Variants in CHD1L observed in about 807,000 individuals in gnomAD.
CHD1L encodes the protein ATP-dependent chromatin remodeler CHD1L.
CHD1L carries 118 observed loss-of-function variants against 115.9 expected under a neutral mutation model. The ratio of observed to expected loss-of-function variants is 1.02; its 90% CI spans 0.88 to 1.19. The LOEUF (loss-of-function observed/expected upper bound fraction) is 1.19. Ranked by LOEUF, CHD1L falls within the 50% of genes most tolerant of loss-of-function variation. The probability of loss-of-function intolerance (pLI) is 0.00; values close to 1 mark genes in which losing one functional copy is unlikely to be tolerated. For synonymous variants in CHD1L, 411 were observed against 387.1 expected (o/e 1.06, Z -0.72); for missense variants, 1,179 against 1,065.3 (o/e 1.11, Z -1.49).
intron 12 of CHD1L, among the ~76,000 whole-genome samples, chr1:147,272,901 T>TG (rs1255451191): frequency 2.0e-4 from 3 of 14,728 alleles, no homozygotes; most frequent in Non-Finnish European, 3.7e-4. Flanking sequence ...TTGTGGTGTC[T>TG]GGAAAAAAAA....
intron 22 of CHD1L, among the ~76,000 whole-genome samples, chr1:147,294,809 T>G (rs1686947638): frequency 6.6e-6 from 1 of 152,226 alleles, no homozygotes; most frequent in African/African-American, 2.4e-5. Context: ...ATTGAGTCTG[T>G]CACATCACTT....
chr1:147,279,640 G>T (rs781922410), intron 14 of CHD1L, among the ~76,000 whole-genome samples: 1 of 152,192 alleles, frequency 6.6e-6, no homozygotes, highest in African/African-American at 2.4e-5. Context: ...CAGTGGAGAG[G>T]TTGGAAAGTA....
At chr1:147,187,106 C>T in the CHD1L span, 3 of 1,614,032 alleles carry the variant, frequency 1.9e-6, no homozygotes, top group South Asian at 3.3e-5. Flanking sequence ...GTGCAGGGTC[C>T]CAGTAATAAG....
At chr1:147,179,951 T>TAA in the CHD1L span, among the ~76,000 whole-genome samples, 5 of 143,618 alleles carry the variant, frequency 3.5e-5, no homozygotes, top group South Asian at 4.5e-4. Context: ...CTTTAAACTG[T>TAA]AAAAAAAAAA....
chr1:147,195,648 C>T, the CHD1L span, among the ~76,000 whole-genome samples: 5,622 of 152,154 alleles, frequency 0.037, 159 homozygotes, highest in South Asian at 0.095. Flanking sequence ...AGTATTTAAG[C>T]CAGTATGAAC....
chr1:147,193,609 T>C, the CHD1L span, among the ~76,000 whole-genome samples: 1 of 152,168 alleles, frequency 6.6e-6, no homozygotes, highest in Non-Finnish European at 1.5e-5. Context: ...AGGGTGTCAA[T>C]TTTGGATCTT....
chr1:147,272,919 G>T (rs1392615666), intron 12 of CHD1L, among the ~76,000 whole-genome samples: 1 of 91,952 alleles, frequency 1.1e-5, no homozygotes. Flanking sequence ...AAAAAAAAAA[G>T]GCCGGCACGG....
rs1466329523 is a variant in CHD1L, at chr1:147,254,795, A to G, written c.241-75A>G. The G allele has an allele frequency of 6.2e-6, 6 of 970,122 alleles. No homozygotes were observed. The African/African-American group carries it at 8.2e-5, about 13-fold the overall frequency. 60.1% of individuals were successfully genotyped at this position (970,122 alleles called of 1,614,324 possible). On this transcript the variant is annotated intron_variant, in intron 2 of 22. Coordinates refer to ENST00000369258, the MANE Select transcript of CHD1L (RefSeq NM_004284.6). Reference sequence around the variant, plus strand: ...TTAAACAAGAGTGTGTGTTCCCTACAGGGTTGTGGGAACTTCATGGTTGTT... The same window carrying G: ...TTAAACAAGAGTGTGTGTTCCCTACGGGGTTGTGGGAACTTCATGGTTGTT...
the CHD1L span, among the ~76,000 whole-genome samples, chr1:147,199,510 T>A: frequency 6.6e-6 from 1 of 152,186 alleles, no homozygotes; most frequent in Non-Finnish European, 1.5e-5. Flanking sequence ...CATAATCTCA[T>A]AACCATAATG....
At chr1:147,219,664 A>G in the CHD1L span, among the ~76,000 whole-genome samples, 2 of 151,996 alleles carry the variant, frequency 1.3e-5, no homozygotes, top group Non-Finnish European at 1.5e-5. Flanking sequence ...AGTAAAGGAT[A>G]TTCGGATTGG....
At chr1:147,205,133 G>T in the CHD1L span, among the ~76,000 whole-genome samples, 1 of 152,182 alleles carries the variant, frequency 6.6e-6, no homozygotes, top group Non-Finnish European at 1.5e-5. Flanking sequence ...TAATTAGAAT[G>T]CTATACCCTT....
chr1:147,234,629 T>C, the CHD1L span, among the ~76,000 whole-genome samples: 1 of 152,106 alleles, frequency 6.6e-6, no homozygotes, highest in Non-Finnish European at 1.5e-5. Flanking sequence ...TTAAAAATGT[T>C]TTTACTAATT....
rs1890042 is a variant in CHD1L, at chr1:147,242,742, C to G, written c.39C>G (p.Ala13=). The part of the protein sequence containing the change: ...RAGATSRGGQ[A]PGFLLRLHTE... ...GCGCTACTAGCCGCGGGGGCCAAGC[C>G]CCTGGCTTCTTACTGCGGCTTCATA... Residue 13 remains alanine, a synonymous_variant, in exon 1 of 23, where the codon GCC becomes GCG. Coordinates refer to ENST00000369258, the MANE Select transcript of CHD1L (RefSeq NM_004284.6). 0.16 allele frequency: 202,429 copies of G among 1,261,044 alleles called. 19,634 individuals are homozygous for G. Among genetic ancestry groups the G allele is most frequent in the African/African-American group, 0.39 (25,715 of 65,310 alleles). The allele number at this position is 1,261,044 out of a possible 1,614,324, so 78.1% of individuals were successfully genotyped here. A position where few individuals can be genotyped will look rare whatever the true frequency, so the allele number is the denominator to read the frequency against.
At chr1:147,248,220 T>TTC (rs1360495000) in intron 1 of CHD1L, among the ~76,000 whole-genome samples, 3 of 151,950 alleles carry the variant, frequency 2.0e-5, no homozygotes, top group African/African-American at 4.8e-5. Context: ...ATTTTTTTTT[T>TTC]CTTTGAGACG....
chr1:147,295,650 C>A lies in CHD1L; in HGVS notation c.*141C>A. 1.5e-6 allele frequency: 1 copy of A among 654,378 alleles called. No individual in the cohort carries two copies. Among genetic ancestry groups the A allele is most frequent in the Non-Finnish European group, 2.5e-6 (1 of 398,516 alleles). 40.5% of individuals were successfully genotyped at this position (654,378 alleles called of 1,614,324 possible). A position where few individuals can be genotyped will look rare whatever the true frequency, so the allele number is the denominator to read the frequency against. ...TTTTCTGAGTTTCAGTTTGGTTCTC[C>A]TGGATGTTTTGCTCTGTTTTGGTAC... On this transcript the variant is annotated 3_prime_UTR_variant, in exon 23 of 23. Transcript: ENST00000369258.
At chr1:147,241,973 G>A (rs1571507994), upstream of CHD1L, among the ~76,000 whole-genome samples, 1 of 151,954 alleles carries the variant, frequency 6.6e-6, no homozygotes, top group Admixed American at 6.6e-5. Context: ...AAAGCCCTTA[G>A]GACACCACCC....
chr1:147,292,365 TG>T (rs1202410671), intron 20 of CHD1L, among the ~76,000 whole-genome samples: 1 of 152,184 alleles, frequency 6.6e-6, no homozygotes, highest in Non-Finnish European at 1.5e-5. Context: ...TTAGGCATCT[TG>T]GGATGCCTGT....
chr1:147,291,677 GAC>G (rs1412318094), intron 20 of CHD1L, 125 bp downstream of exon 20: 12 of 728,336 alleles, frequency 1.6e-5, no homozygotes, highest in Non-Finnish European at 2.7e-5. Context: ...ATAACAAAAA[GAC>G]ACAGACTAGG....
chr1:147,200,493 G>C, the CHD1L span, among the ~76,000 whole-genome samples: 1 of 152,068 alleles, frequency 6.6e-6, no homozygotes, highest in Non-Finnish European at 1.5e-5. Flanking sequence ...GAGAACAACA[G>C]TTGTAATGTT....
Sources: gnomAD v4.1 joint callset for allele counts (sites outside exome capture counted in the v4.1 genomes callset) on GRCh38, gnomAD v4.1.1 for gene constraint, MANE v1.5 for transcripts, NCBI Gene and HGNC (gene_info 2026-07-23, HGNC 2026-07-21) for gene names.